CAST: variants seen among roughly 807,000 people sequenced by gnomAD.
CAST encodes the protein calpastatin, also known as MIR583 host.
A neutral mutation model predicts 119.6 loss-of-function variants in CAST; 76 were observed. The observed-to-expected ratio is 0.64, with a 90% confidence interval of 0.53 to 0.77. The LOEUF is 0.77. CAST is among the 30% of genes least tolerant of loss of function. CAST has a pLI of 0.00. For missense variants in CAST, 953 were observed against 946.5 expected (o/e 1.01, Z -0.09); for synonymous variants, 319 against 331.6 (o/e 0.96, Z 0.41).
the CAST span, among the ~76,000 whole-genome samples, chr5:96,459,097 C>T: frequency 6.6e-6 from 1 of 152,082 alleles, no homozygotes; most frequent in African/African-American, 2.4e-5. Context: ...TACAGTTTGT[C>T]CCCAGATCGA....
At chr5:96,355,088 G>A in the CAST span, among the ~76,000 whole-genome samples, 1 of 151,976 alleles carries the variant, frequency 6.6e-6, no homozygotes, top group Non-Finnish European at 1.5e-5. Flanking sequence ...AGGTATAAAT[G>A]TGCCATGGTG....
chr5:96,762,350 G>C lies in CAST; in HGVS notation c.1910G>C (p.Gly637Ala), dbSNP rs780797475. ...ACCCCAGCTTCAACGACCCAAGCTG[G>C]AGCCCCACCCCGTGATACCTCGGTA... is the stretch of plus-strand genomic sequence containing the variant. ...SQTPASTTQAGAPPRDTSQSD... is the reference protein window; with the variant it reads ...SQTPASTTQAAAPPRDTSQSD... Residue 637 changes from glycine to alanine, a missense_variant, in exon 25 of 32, where the codon GGA (glycine) becomes GCA (alanine). By Grantham distance (60) the Gly-to-Ala change is moderately conservative. Transcript: ENST00000675179. The C allele has an allele frequency of 2.5e-6, 4 of 1,603,190 alleles. No homozygotes were observed. The African/African-American group carries it at 5.4e-5, about 22-fold the overall frequency.
At chr5:96,566,652 C>T (rs1746474390) in intron 1 of CAST, among the ~76,000 whole-genome samples, 1 of 152,144 alleles carries the variant, frequency 6.6e-6, no homozygotes, top group African/African-American at 2.4e-5. Context: ...AGCAGAATAC[C>T]TCAAGTCATT....
the CAST span, among the ~76,000 whole-genome samples, chr5:96,333,636 A>G: frequency 3.3e-5 from 5 of 152,090 alleles, no homozygotes; most frequent in African/African-American, 1.2e-4. Flanking sequence ...AGCTGTGGGT[A>G]GGGAACTGGA....
the CAST span, among the ~76,000 whole-genome samples, chr5:95,968,447 G>A: frequency 6.6e-6 from 1 of 152,100 alleles, no homozygotes; most frequent in Non-Finnish European, 1.5e-5. Flanking sequence ...TTAAATTATT[G>A]GAAAGATTTA....
At chr5:96,376,947 T>C in the CAST span, among the ~76,000 whole-genome samples, 1 of 152,160 alleles carries the variant, frequency 6.6e-6, no homozygotes, top group African/African-American at 2.4e-5. Context: ...GTGATATTGA[T>C]AATCCTGATT....
the CAST span, among the ~76,000 whole-genome samples, chr5:96,351,180 A>G: frequency 6.6e-6 from 1 of 152,144 alleles, no homozygotes; most frequent in Non-Finnish European, 1.5e-5. Flanking sequence ...TGATATAAAA[A>G]CACATAACAT....
intron 1 of CAST, among the ~76,000 whole-genome samples, chr5:96,612,835 A>G (rs979949652): frequency 2.6e-5 from 4 of 152,192 alleles, no homozygotes; most frequent in African/African-American, 9.7e-5. Flanking sequence ...GTATGATATA[A>G]ACAAGAAGTC....
chr5:96,445,901 T>C, the CAST span, among the ~76,000 whole-genome samples: 1 of 152,152 alleles, frequency 6.6e-6, no homozygotes, highest in Non-Finnish European at 1.5e-5. Context: ...CAGGCTGGAG[T>C]GCAGTGGCAG....
At chr5:96,457,734 T>C in the CAST span, among the ~76,000 whole-genome samples, 2 of 152,204 alleles carry the variant, frequency 1.3e-5, no homozygotes, top group African/African-American at 4.8e-5. Context: ...TGGTCTCTTA[T>C]CTTCCTCAAC....
intron 12 of CAST, among the ~76,000 whole-genome samples, chr5:96,740,493 G>A (rs1192199099): frequency 6.6e-6 from 1 of 151,934 alleles, no homozygotes; most frequent in Non-Finnish European, 1.5e-5. Flanking sequence ...CATATCTCTG[G>A]GTCCAAATTT....
the CAST span, chr5:96,410,983 T>TC: frequency 6.2e-7 from 1 of 1,611,558 alleles, no homozygotes; most frequent in Non-Finnish European, 8.5e-7. Context: ...TTCCCCTGTC[T>TC]CCCCTAAAGG....
intron 3 of CAST, chr5:96,696,131 T>A: frequency 3.4e-6 from 1 of 289,966 alleles, no homozygotes; most frequent in Non-Finnish European, 6.6e-6. Flanking sequence ...TGGCATATAA[T>A]AAGCGTTAAA....
At chr5:96,079,190 G>GT in the CAST span, 1 of 455,296 alleles carries the variant, frequency 2.2e-6, no homozygotes, top group South Asian at 1.6e-5. Context: ...GATCTTAGCA[G>GT]TACTGGGACC....
At chr5:96,409,419 G>A in the CAST span, among the ~76,000 whole-genome samples, 1 of 152,336 alleles carries the variant, frequency 6.6e-6, no homozygotes, top group East Asian at 1.9e-4. Context: ...GTTGACGCAA[G>A]CAAGCCCCCA....
chr5:96,168,983 T>G, the CAST span, among the ~76,000 whole-genome samples: 3 of 152,096 alleles, frequency 2.0e-5, no homozygotes, highest in African/African-American at 7.2e-5. Flanking sequence ...CACGCAGACA[T>G]GAGGGCTAGG....
chr5:96,017,604 T>A, the CAST span, among the ~76,000 whole-genome samples: 2 of 152,168 alleles, frequency 1.3e-5, no homozygotes, highest in East Asian at 3.8e-4. Context: ...CAACTGGTAG[T>A]TATATAACAC....
chr5:96,710,615 GC>G (rs1378348432), intron 3 of CAST, among the ~76,000 whole-genome samples: 2 of 152,024 alleles, frequency 1.3e-5, no homozygotes, highest in Admixed American at 6.6e-5. Flanking sequence ...CAGTTACATT[GC>G]CCAGTGGCTT....
At chr5:96,331,989 T>G in the CAST span, among the ~76,000 whole-genome samples, 65 of 152,318 alleles carry the variant, frequency 4.3e-4, 1 homozygote, top group East Asian at 5.2e-3. Context: ...CTTTTCTGCT[T>G]CTTCTATAAG....
Sources: gnomAD v4.1 joint callset for allele counts (sites outside exome capture counted in the v4.1 genomes callset) on GRCh38, gnomAD v4.1.1 for gene constraint, MANE v1.5 for transcripts, NCBI Gene and HGNC (gene_info 2026-07-23, HGNC 2026-07-21) for gene names.